The following MTUS2 variants were observed in gnomAD, a reference collection of about 807,000 sequenced individuals.
The protein encoded by MTUS2 is microtubule-associated tumor suppressor candidate 2.
In MTUS2, 40 loss-of-function variants were observed where a neutral mutation model predicts 114.1. The observed-to-expected ratio is 0.35, with a 90% confidence interval of 0.27 to 0.46. The LOEUF (loss-of-function observed/expected upper bound fraction) is 0.46. Among genes scored for constraint, MTUS2 ranks in the 20% least tolerant of loss-of-function variants. MTUS2 has a pLI of 1.00. For missense variants in MTUS2, 1,679 were observed against 1,705.4 expected (o/e 0.98, Z 0.27); for synonymous variants, 688 against 672.0 (o/e 1.02, Z -0.37).
intron 7 of MTUS2, 31 bp downstream of exon 7, chr13:29,324,742 G>A (rs1317656965): frequency 6.6e-7 from 1 of 1,516,548 alleles, no homozygotes; most frequent in African/African-American, 1.4e-5. Flanking sequence ...GTTCCTTGGG[G>A]GAATGACTTG....
chr13:29,390,114 TAC>T (rs145481007), intron 8 of MTUS2, among the ~76,000 whole-genome samples: 12,079 of 71,860 alleles, frequency 0.17, 2,923 homozygotes, highest in Admixed American at 0.31. Context: ...TATATACACA[TAC>T]ACACACAAAC....
intron 1 of MTUS2, among the ~76,000 whole-genome samples, chr13:28,835,307 G>T (rs966073994): frequency 6.6e-6 from 1 of 152,164 alleles, no homozygotes; most frequent in Non-Finnish European, 1.5e-5. Context: ...TCATACAATA[G>T]AATATTATTC....
intron 2 of MTUS2, among the ~76,000 whole-genome samples, chr13:28,848,862 C>G (rs1401431000): frequency 1.3e-5 from 2 of 152,108 alleles, no homozygotes; most frequent in East Asian, 1.9e-4. Flanking sequence ...CCACTAGCAT[C>G]TAACAGATAA....
In MTUS2 at chr13:29,448,920, G is replaced by T. The variant is rs575823247; in HGVS notation, c.3184+8871G>T. On this transcript the variant is annotated intron_variant, in intron 9 of 15. Transcript: ENST00000612955. ...AGACACGGGCCACCACGCCCGGCTAGTTTTTGTATTTTTAGTAGAGTTGGG... is the reference window on the plus strand; with the variant it reads ...AGACACGGGCCACCACGCCCGGCTATTTTTTGTATTTTTAGTAGAGTTGGG... Among the ~76,000 whole-genome samples, 3 of 151,914 alleles carry T rather than the reference G, an allele frequency of 2.0e-5. No individual in the cohort carries two copies. The South Asian group carries it at 6.3e-4, about 32-fold the overall frequency.
At chr13:29,166,213 A>G (rs769790965) in intron 5 of MTUS2, among the ~76,000 whole-genome samples, 1 of 152,194 alleles carries the variant, frequency 6.6e-6, no homozygotes, top group Non-Finnish European at 1.5e-5. Flanking sequence ...TTACATGTAT[A>G]ATATTTACTT....
At chr13:29,284,273 T>C (rs1451411388) in intron 6 of MTUS2, among the ~76,000 whole-genome samples, 1 of 152,150 alleles carries the variant, frequency 6.6e-6, no homozygotes, top group African/African-American at 2.4e-5. Flanking sequence ...AGAAAGTGAT[T>C]TCCAGGAGGT....
chr13:29,502,851 G>A (rs1405249297), intron 15 of MTUS2, 142 bp from the exon 16 acceptor site: 1 of 767,976 alleles, frequency 1.3e-6, no homozygotes, highest in African/African-American at 1.7e-5. Flanking sequence ...TTCAACCAAA[G>A]TTCTTGGTCA....
intron 2 of MTUS2, among the ~76,000 whole-genome samples, chr13:28,864,950 G>C (rs1566184943): frequency 6.6e-6 from 1 of 152,134 alleles, no homozygotes; most frequent in Admixed American, 6.5e-5. Flanking sequence ...TTGTTTAGTA[G>C]AGACATAGCA....
chr13:29,493,617 AG>A (rs1409988201), intron 12 of MTUS2, among the ~76,000 whole-genome samples: 20 of 152,184 alleles, frequency 1.3e-4, no homozygotes, highest in Admixed American at 1.3e-3. Flanking sequence ...GGAGAGACCC[AG>A]GGTCACACTC....
At chr13:29,306,257 T>C (rs1454336831) in intron 6 of MTUS2, among the ~76,000 whole-genome samples, 12 of 152,186 alleles carry the variant, frequency 7.9e-5, no homozygotes, top group Admixed American at 7.9e-4. Flanking sequence ...TCACCACTCC[T>C]ATTCAACATA....
chr13:29,212,438 C>G (rs1350403905), intron 5 of MTUS2, among the ~76,000 whole-genome samples: 2 of 152,182 alleles, frequency 1.3e-5, no homozygotes, highest in Non-Finnish European at 2.9e-5. Flanking sequence ...CAATTTGATT[C>G]AAGTATAACA....
At chr13:29,243,486 G>T (rs775562124) in intron 5 of MTUS2, among the ~76,000 whole-genome samples, 2 of 152,190 alleles carry the variant, frequency 1.3e-5, no homozygotes, top group Non-Finnish European at 2.9e-5. Context: ...GACTGGCAAG[G>T]TCGGAAGCCA....
chr13:29,432,478 C>A (rs1462063176), intron 8 of MTUS2, among the ~76,000 whole-genome samples: 4 of 152,144 alleles, frequency 2.6e-5, no homozygotes, highest in Non-Finnish European at 4.4e-5. Flanking sequence ...AACTGACAAG[C>A]AAACAATAAC....
At chr13:29,182,960 A>G (rs1894068126) in intron 5 of MTUS2, among the ~76,000 whole-genome samples, 1 of 152,118 alleles carries the variant, frequency 6.6e-6, no homozygotes, top group Non-Finnish European at 1.5e-5. Context: ...GAGTTGACAG[A>G]TGACGAGGAG....
intron 12 of MTUS2, among the ~76,000 whole-genome samples, 194 bp from the exon 13 acceptor site, chr13:29,497,044 G>C (rs986580577): frequency 6.6e-6 from 1 of 152,124 alleles, no homozygotes; most frequent in African/African-American, 2.4e-5. Context: ...GGAGCCGAGG[G>C]CAGGCGTTGG....
chr13:29,421,933 T>C (rs184245194), intron 8 of MTUS2, among the ~76,000 whole-genome samples: 73 of 152,334 alleles, frequency 4.8e-4, no homozygotes, highest in Admixed American at 4.7e-3. Context: ...ACTAATAAAA[T>C]TGAACATTTT....
At chr13:28,879,619 T>A (rs1334468570) in intron 2 of MTUS2, among the ~76,000 whole-genome samples, 4 of 152,200 alleles carry the variant, frequency 2.6e-5, no homozygotes, top group Non-Finnish European at 5.9e-5. Flanking sequence ...TGCTGTAAAT[T>A]TGAGAGAGTG....
chr13:29,029,667 C>A (rs1483420483), intron 3 of MTUS2, among the ~76,000 whole-genome samples: 2 of 152,180 alleles, frequency 1.3e-5, no homozygotes, highest in Non-Finnish European at 2.9e-5. Flanking sequence ...GGAAGCATGG[C>A]ACCAGCATCT....
intron 5 of MTUS2, among the ~76,000 whole-genome samples, chr13:29,253,663 C>T (rs537982723): frequency 5.9e-5 from 9 of 151,938 alleles, no homozygotes; most frequent in African/African-American, 1.2e-4. Flanking sequence ...AGGAGGAGAC[C>T]GTATTAGTCC....
Sources: allele counts gnomAD v4.1 joint callset (sites outside exome capture counted in the v4.1 genomes callset), GRCh38; gene constraint gnomAD v4.1.1; transcripts MANE v1.5; gene names NCBI Gene and HGNC (gene_info 2026-07-23, HGNC 2026-07-21).